The following PRKN variants were observed in gnomAD, a reference collection of about 807,000 sequenced individuals.
PRKN encodes parkin RBR E3 ubiquitin protein ligase, also known as E3 ubiquitin-protein ligase parkin.
In PRKN, 56 loss-of-function variants were observed where a neutral mutation model predicts 59.5. That is an observed-to-expected ratio of 0.94 (90% CI 0.76 to 1.18). The LOEUF (loss-of-function observed/expected upper bound fraction) is 1.18, where lower values mean the gene tolerates loss of function less well. Ranked by LOEUF, PRKN falls within the 50% of genes most tolerant of loss-of-function variation. The pLI is 0.00. For synonymous variants in PRKN, 250 were observed against 222.1 expected (o/e 1.13, Z -1.12); for missense variants, 657 against 596.4 (o/e 1.10, Z -1.06).
At chr6:162,375,549 A>G (rs1009789019) in intron 2 of PRKN, among the ~76,000 whole-genome samples, 7 of 152,144 alleles carry the variant, frequency 4.6e-5, no homozygotes, top group East Asian at 1.9e-4. Context: ...AACGTTCTAG[A>G]TTTTGGATTT....
At position 161,582,475 on chromosome 6, in the gene PRKN, G is replaced by A. The variant is rs1781375281; in HGVS notation, c.872-13059C>T. On this transcript the variant is annotated intron_variant, in intron 7 of 11. Transcript: ENST00000366898. The surrounding 1 kb of genome is among the most constrained non-coding windows in gnomAD (Gnocchi z 4.4). Reference sequence around the variant, plus strand: ...AGAGTCTCGCTCTGTCGCCTAGGCTGGAGTGCAGTGGCGCGATCTAGGCTC... The same window carrying A: ...AGAGTCTCGCTCTGTCGCCTAGGCTAGAGTGCAGTGGCGCGATCTAGGCTC... Among the ~76,000 whole-genome samples the A allele has an allele frequency of 1.3e-5, 2 of 151,662 alleles. No individual in the cohort carries two copies. The highest frequency in any genetic ancestry group is 2.4e-5 in the African/African-American group (1 of 41,220).
At chr6:162,175,393 G>A (rs181660112) in intron 4 of PRKN, among the ~76,000 whole-genome samples, 4 of 152,248 alleles carry the variant, frequency 2.6e-5, no homozygotes, top group African/African-American at 4.8e-5. Context: ...ACACTGGTCC[G>A]GTACATAGCA....
Position 162,584,218 on chromosome 6 carries a change from A to AC in PRKN, c.8-140746_8-140745insG, listed in dbSNP as rs1006039031. ...ACAGAGTGAGACTCCGTCTCAAAAA[A>AC]AAAAAACAAAAAACAAAAAACAAAA... On this transcript the variant is annotated intron_variant, in intron 1 of 11. Coordinates refer to ENST00000366898, the MANE Select transcript of PRKN (RefSeq NM_004562.3). Among the ~76,000 whole-genome samples, 18 of 92,714 alleles carry AC rather than the reference A, an allele frequency of 1.9e-4. No homozygotes were observed. The East Asian group carries it at 2.1e-3, about 11-fold the overall frequency. The allele number at this position is 92,714 out of a possible 152,430, so 60.8% of individuals were successfully genotyped here.
intron 9 of PRKN, among the ~76,000 whole-genome samples, chr6:161,465,992 A>G (rs1244954664): frequency 6.6e-6 from 1 of 152,168 alleles, no homozygotes; most frequent in Non-Finnish European, 1.5e-5. Flanking sequence ...TAATGACTTG[A>G]TATCTGTATA....
intron 1 of PRKN, among the ~76,000 whole-genome samples, chr6:162,724,604 AAG>A (rs2061546191): frequency 6.6e-6 from 1 of 152,218 alleles, no homozygotes; most frequent in African/African-American, 2.4e-5. Flanking sequence ...ATTAAAAAGA[AAG>A]AGAAATAAGT....
At chr6:162,705,715 C>T (rs1265806745) in intron 1 of PRKN, among the ~76,000 whole-genome samples, 1 of 152,076 alleles carries the variant, frequency 6.6e-6, no homozygotes, top group Non-Finnish European at 1.5e-5. Flanking sequence ...TTTTCTTGGC[C>T]AGGGAGAATT....
chr6:161,553,002 G>A (rs1482070654), intron 8 of PRKN, among the ~76,000 whole-genome samples: 1 of 151,418 alleles, frequency 6.6e-6, no homozygotes, highest in Non-Finnish European at 1.5e-5. Flanking sequence ...TGTTGGCCAG[G>A]ATGATCTCGA....
At chr6:162,595,877 T>G (rs1781479298) in intron 1 of PRKN, among the ~76,000 whole-genome samples, 1 of 152,168 alleles carries the variant, frequency 6.6e-6, no homozygotes, top group Non-Finnish European at 1.5e-5. Context: ...AGATTCATAC[T>G]TCATAGCAAA....
intron 2 of PRKN, among the ~76,000 whole-genome samples, chr6:162,411,548 A>T (rs564255045): frequency 6.6e-6 from 1 of 152,218 alleles, no homozygotes; most frequent in African/African-American, 2.4e-5. Context: ...CAAAAACATA[A>T]TATTATTATT....
chr6:161,664,722 A>T (rs1458427831), intron 7 of PRKN, among the ~76,000 whole-genome samples: 1 of 152,214 alleles, frequency 6.6e-6, no homozygotes, highest in Non-Finnish European at 1.5e-5. Flanking sequence ...TTTCAAAACA[A>T]AACTGACCAA....
At chr6:162,431,643 CT>C (rs1017165649) in intron 2 of PRKN, among the ~76,000 whole-genome samples, 2 of 152,108 alleles carry the variant, frequency 1.3e-5, no homozygotes, top group African/African-American at 4.8e-5. Flanking sequence ...AAGAAACAGA[CT>C]GATATTTTTA....
At chr6:161,752,924 G>A (rs1788756329) in intron 7 of PRKN, among the ~76,000 whole-genome samples, 1 of 152,172 alleles carries the variant, frequency 6.6e-6, no homozygotes, top group South Asian at 2.1e-4. Context: ...GCATCAGGAA[G>A]GGAGGGACAG....
At chr6:161,842,596 G>A (rs965261172) in intron 6 of PRKN, among the ~76,000 whole-genome samples, 4 of 151,104 alleles carry the variant, frequency 2.6e-5, no homozygotes, top group African/African-American at 7.3e-5. Flanking sequence ...ACAGAGTCTC[G>A]CTCTGTCACC....
intron 1 of PRKN, among the ~76,000 whole-genome samples, chr6:162,629,940 G>C (rs945492550): frequency 6.6e-6 from 1 of 152,064 alleles, no homozygotes; most frequent in African/African-American, 2.4e-5. Context: ...ATCCTCCTCA[G>C]AATACTTTCA....
At chr6:161,375,342 C>T (rs948797442) in intron 10 of PRKN, among the ~76,000 whole-genome samples, 4 of 152,160 alleles carry the variant, frequency 2.6e-5, no homozygotes, top group African/African-American at 9.7e-5. Context: ...AGCCCCAGCC[C>T]CAGGTCTGCA....
At chr6:162,280,441 A>G (rs901867309) in intron 2 of PRKN, among the ~76,000 whole-genome samples, 1 of 152,062 alleles carries the variant, frequency 6.6e-6, no homozygotes, top group Non-Finnish European at 1.5e-5. Flanking sequence ...AAAGATCTAG[A>G]ATTGACACCC....
intron 1 of PRKN, among the ~76,000 whole-genome samples, chr6:162,718,203 A>AG (rs1175577637): frequency 6.6e-6 from 1 of 151,470 alleles, no homozygotes; most frequent in Non-Finnish European, 1.5e-5. Flanking sequence ...TAAGACAAAA[A>AG]AAATCTTATT....
chr6:161,846,317 CCAATAA>C (rs991323636), intron 6 of PRKN, among the ~76,000 whole-genome samples: 10 of 152,156 alleles, frequency 6.6e-5, no homozygotes, highest in Non-Finnish European at 1.5e-4. Context: ...ACTCAGAATA[CCAATAA>C]CAACTATAAT....
At chr6:161,735,783 A>C (rs1043310188) in intron 7 of PRKN, among the ~76,000 whole-genome samples, 2 of 151,848 alleles carry the variant, frequency 1.3e-5, no homozygotes, top group Admixed American at 1.3e-4. Flanking sequence ...GGTGTGATGG[A>C]GGGCGCCTGT....
Sources: gnomAD v4.1 joint callset for allele counts (sites outside exome capture counted in the v4.1 genomes callset) on GRCh38, gnomAD v4.1.1 for gene constraint, Gnocchi (gnomAD v3.1) non-coding constraint, MANE v1.5 for transcripts, NCBI Gene and HGNC (gene_info 2026-07-23, HGNC 2026-07-21) for gene names.